FAM168A: variants seen among roughly 807,000 people sequenced by gnomAD.
FAM168A encodes protein FAM168A.
Under a neutral mutation model 28.5 loss-of-function variants are expected in FAM168A, and 3 were observed. The ratio of observed to expected loss-of-function variants is 0.11; its 90% CI spans 0.05 to 0.27. The LOEUF is 0.27. FAM168A is among the 10% of genes least tolerant of loss of function. The pLI is 1.00. For missense variants in FAM168A, 222 were observed against 311.5 expected (o/e 0.71, Z 2.16); for synonymous variants, 122 against 124.2 (o/e 0.98, Z 0.12).
intron 1 of FAM168A, among the ~76,000 whole-genome samples, chr11:73,518,437 AT>A (rs1220839753): frequency 2.4e-4 from 36 of 152,022 alleles, no homozygotes; most frequent in Admixed American, 2.4e-3. Context: ...ATATTAAAAT[AT>A]TTTTTAAAAA....
At chr11:73,485,823 G>C (rs1448850365) in intron 1 of FAM168A, among the ~76,000 whole-genome samples, 1 of 151,496 alleles carries the variant, frequency 6.6e-6, no homozygotes, top group African/African-American at 2.5e-5. Context: ...CAGCAGCAAA[G>C]TCAGTAGCTA....
intron 1 of FAM168A, among the ~76,000 whole-genome samples, chr11:73,549,647 C>G (rs975341775): frequency 3.8e-4 from 58 of 152,186 alleles, no homozygotes; most frequent in African/African-American, 1.4e-3. Context: ...TAGTAAACCT[C>G]CAGTAAGTGT....
chr11:73,594,104 G>C (rs897240443), intron 1 of FAM168A, among the ~76,000 whole-genome samples: 5 of 152,096 alleles, frequency 3.3e-5, no homozygotes, highest in Non-Finnish European at 7.4e-5. Context: ...TGTGAAGTAT[G>C]AAAGTTTGAT....
rs1395899851 is a variant in FAM168A at position 73,402,502 on chromosome 11, G to C, written c.*4261C>G. On this transcript the variant is annotated 3_prime_UTR_variant, in exon 8 of 8. Transcript: ENST00000356467. ...AGGACCCCCAGATCTCTGGGAACGG[G>C]GTACCTCAAACTTGGAACAATTCGG... 1 of 152,158 alleles carries C rather than the reference G, an allele frequency of 6.6e-6. No homozygotes were observed. The highest frequency in any genetic ancestry group is 2.4e-5 in the African/African-American group (1 of 41,438). 9.4% of individuals were successfully genotyped at this position (152,158 alleles called of 1,614,324 possible).
At chr11:73,426,039 T>C (rs1399597092) in intron 3 of FAM168A, among the ~76,000 whole-genome samples, 1 of 152,214 alleles carries the variant, frequency 6.6e-6, no homozygotes, top group African/African-American at 2.4e-5. Flanking sequence ...CCAAGTTTGT[T>C]GTATGTAAAA....
At chr11:73,523,036 AACAC>A (rs887722084) in intron 1 of FAM168A, among the ~76,000 whole-genome samples, 1 of 151,466 alleles carries the variant, frequency 6.6e-6, no homozygotes, top group Admixed American at 6.6e-5. Context: ...AACAAAACAA[AACAC>A]ACACACACAC....
chr11:73,583,361 T>C (rs1944272308), intron 1 of FAM168A, among the ~76,000 whole-genome samples: 1 of 152,054 alleles, frequency 6.6e-6, no homozygotes, highest in Admixed American at 6.6e-5. Flanking sequence ...AGTAACTGAC[T>C]CATTGGGAAA....
At chr11:73,557,028 C>CAA (rs200723048) in intron 1 of FAM168A, among the ~76,000 whole-genome samples, 3 of 136,558 alleles carry the variant, frequency 2.2e-5, no homozygotes, top group African/African-American at 8.0e-5. Flanking sequence ...GACACTGTCT[C>CAA]AAAAAAAAAA....
chr11:73,571,903 C>T (rs138081451), intron 1 of FAM168A, among the ~76,000 whole-genome samples: 3 of 151,576 alleles, frequency 2.0e-5, no homozygotes, highest in East Asian at 1.9e-4. Flanking sequence ...ACCGCCCCAC[C>T]GCCCCGTCTG....
rs544936946 is a variant in FAM168A at position 73,593,113 on chromosome 11, A to G, written c.-19+4810T>C. 9.2e-5 allele frequency among the ~76,000 whole-genome samples: 14 copies of G among 152,344 alleles called. 1 individual carries two copies. Among genetic ancestry groups the G allele is most frequent in the Non-Finnish European group, 1.5e-4 (10 of 68,036 alleles). On this transcript the variant is annotated intron_variant, in intron 1 of 7. Coordinates refer to ENST00000356467, the MANE Select transcript of FAM168A (RefSeq NM_015159.3). Reference sequence around the variant, plus strand: ...AAATATACTGTTTAGGGATATGCACATATTTGGTAAAAGTATAAAGAAAAG... The same window carrying G: ...AAATATACTGTTTAGGGATATGCACGTATTTGGTAAAAGTATAAAGAAAAG...
chr11:73,538,360 G>A (rs1943609452), intron 1 of FAM168A, among the ~76,000 whole-genome samples: 1 of 151,826 alleles, frequency 6.6e-6, no homozygotes, highest in African/African-American at 2.4e-5. Flanking sequence ...AAAAGAGAGA[G>A]AGAGAGTGAA....
At chr11:73,478,388 A>G (rs1332137322) in intron 1 of FAM168A, among the ~76,000 whole-genome samples, 1 of 152,218 alleles carries the variant, frequency 6.6e-6, no homozygotes, top group Non-Finnish European at 1.5e-5. Flanking sequence ...GCATGATTCC[A>G]TTTATATGAA....
intron 2 of FAM168A, among the ~76,000 whole-genome samples, chr11:73,431,128 G>A (rs1366641459): frequency 1.3e-5 from 2 of 152,116 alleles, no homozygotes; most frequent in Non-Finnish European, 2.9e-5. Flanking sequence ...TGGATCACGA[G>A]GTCAGAAGTT....
At chr11:73,566,021 T>G (rs1233453533) in intron 1 of FAM168A, among the ~76,000 whole-genome samples, 2 of 152,218 alleles carry the variant, frequency 1.3e-5, no homozygotes, top group Non-Finnish European at 2.9e-5. Context: ...TTGCATGCAA[T>G]TAGTTGAAAA....
intron 1 of FAM168A, among the ~76,000 whole-genome samples, chr11:73,472,855 A>G (rs561574913): frequency 6.6e-6 from 1 of 152,304 alleles, no homozygotes; most frequent in South Asian, 2.1e-4. Context: ...GAACTATGAG[A>G]GGAGTAGGTT....
intron 1 of FAM168A, among the ~76,000 whole-genome samples, chr11:73,475,281 A>T (rs1222814026): frequency 6.6e-6 from 1 of 151,948 alleles, no homozygotes; most frequent in African/African-American, 2.4e-5. Flanking sequence ...CCATTTGAAA[A>T]ATGGTAAAAA....
chr11:73,457,888 A>C (rs1867570849), intron 2 of FAM168A, among the ~76,000 whole-genome samples: 1 of 152,094 alleles, frequency 6.6e-6, no homozygotes, highest in Non-Finnish European at 1.5e-5. Flanking sequence ...ACCTTGAGAA[A>C]CTTACTTAAC....
At chr11:73,408,630 A>C (rs2134477529) in intron 6 of FAM168A, among the ~76,000 whole-genome samples, 1 of 152,116 alleles carries the variant, frequency 6.6e-6, no homozygotes, top group Admixed American at 6.5e-5. Flanking sequence ...AAACACAAAA[A>C]TTAGCTGGGT....
intron 1 of FAM168A, among the ~76,000 whole-genome samples, chr11:73,481,547 C>T (rs993386154): frequency 6.6e-6 from 1 of 152,160 alleles, no homozygotes; most frequent in Admixed American, 6.5e-5. Flanking sequence ...TCTAGAGAGA[C>T]AATAAATCAG....
Sources: allele counts gnomAD v4.1 joint callset (sites outside exome capture counted in the v4.1 genomes callset), GRCh38; gene constraint gnomAD v4.1.1; transcripts MANE v1.5; gene names NCBI Gene and HGNC (gene_info 2026-07-23, HGNC 2026-07-21).